FBXL5: variants seen among roughly 807,000 people sequenced by gnomAD.
FBXL5 encodes the protein F-box/LRR-repeat protein 5.
A neutral mutation model predicts 78.3 loss-of-function variants in FBXL5; 26 were observed. That is an observed-to-expected ratio of 0.33 (90% CI 0.24 to 0.46). The LOEUF (loss-of-function observed/expected upper bound fraction) is 0.46. Ranked by LOEUF, FBXL5 falls within the 20% of genes least tolerant of loss-of-function variation. The probability of loss-of-function intolerance (pLI) is 1.00; values close to 1 mark genes in which losing one functional copy is unlikely to be tolerated. For missense variants in FBXL5, 710 were observed against 829.2 expected, an observed-to-expected ratio of 0.86 and a Z score of 1.77; for synonymous variants, 295 against 282.5, an observed-to-expected ratio of 1.04 and a Z score of -0.45.
intron 2 of FBXL5, among the ~76,000 whole-genome samples, chr4:15,644,177 G>A (rs1715154971): frequency 6.6e-6 from 1 of 152,172 alleles, no homozygotes; most frequent in Admixed American, 6.5e-5. Flanking sequence ...GAATTTTATA[G>A]TTAGTCTAGC....
At chr4:15,629,608 T>C (rs957024687) in intron 6 of FBXL5, among the ~76,000 whole-genome samples, 1 of 152,138 alleles carries the variant, frequency 6.6e-6, no homozygotes, top group Non-Finnish European at 1.5e-5. Flanking sequence ...TTCCATTTTG[T>C]TCACCATTAG....
intron 1 of FBXL5, 100 bp downstream of exon 1, chr4:15,655,104 G>C (rs1716706444): frequency 5.2e-6 from 5 of 953,614 alleles, no homozygotes; most frequent in African/African-American, 1.8e-5. Context: ...GCGACGGCAC[G>C]GGGCTGCGGG....
chr4:15,648,456 T>C (rs549610386), intron 1 of FBXL5, among the ~76,000 whole-genome samples: 3 of 152,306 alleles, frequency 2.0e-5, no homozygotes, highest in Non-Finnish European at 2.9e-5. Context: ...GCATTATTCA[T>C]AATAGCCAAG....
intron 1 of FBXL5, among the ~76,000 whole-genome samples, chr4:15,654,963 G>A (rs1716674989): frequency 6.6e-6 from 1 of 151,712 alleles, no homozygotes; most frequent in African/African-American, 2.4e-5. Flanking sequence ...CAGGCCCTCG[G>A]CAGGGGACGC....
At chr4:15,618,249 G>T (rs1166048954) in intron 9 of FBXL5, among the ~76,000 whole-genome samples, 1 of 152,154 alleles carries the variant, frequency 6.6e-6, no homozygotes, top group Non-Finnish European at 1.5e-5. Context: ...ATCATAAGAA[G>T]CCAGCATGGT....
intron 4 of FBXL5, 76 bp from the exon 5 acceptor site, chr4:15,636,752 T>C (rs1486802847): frequency 1.9e-5 from 21 of 1,130,000 alleles, no homozygotes; most frequent in Non-Finnish European, 2.4e-5. Context: ...TACATTTCTA[T>C]AAACAAAATC....
Position 15,616,225 on chromosome 4 carries a change from G to A in FBXL5, c.1851-3811C>T, listed in dbSNP as rs539038130. On this transcript the variant is annotated intron_variant, in intron 9 of 10. Coordinates refer to ENST00000341285, the MANE Select transcript of FBXL5 (RefSeq NM_012161.4). The stretch of plus-strand genomic sequence containing the variant: ...AAGAGCTGTAACACTCACCGCGAGG[G>A]TCCGCGGCTTCATTCTTGAAGTCAG... Among the ~76,000 whole-genome samples, 8 of 152,348 alleles carry A rather than the reference G, an allele frequency of 5.3e-5. No homozygotes were observed. The South Asian group carries it at 1.7e-3, about 32-fold the overall frequency.
At chr4:15,624,003 T>G (rs183201803) in intron 9 of FBXL5, among the ~76,000 whole-genome samples, 1,689 of 152,042 alleles carry the variant, frequency 0.011, 13 homozygotes, top group Non-Finnish European at 0.018. Context: ...TTTTTTTATT[T>G]TTAGTAGAGA....
At chr4:15,649,483 G>A (rs1715695050) in intron 1 of FBXL5, among the ~76,000 whole-genome samples, 1 of 151,042 alleles carries the variant, frequency 6.6e-6, no homozygotes, top group Admixed American at 6.6e-5. Flanking sequence ...AGGAGGCTGA[G>A]GCAGAAGAAT....
intron 1 of FBXL5, among the ~76,000 whole-genome samples, chr4:15,674,724 A>T (rs987654764): frequency 2.0e-5 from 3 of 150,126 alleles, no homozygotes; most frequent in African/African-American, 7.4e-5. Flanking sequence ...ATCTTGGCTC[A>T]CTGCAAGCTC....
intron 1 of FBXL5, among the ~76,000 whole-genome samples, chr4:15,665,660 A>C (rs749498459): frequency 6.6e-6 from 1 of 152,190 alleles, no homozygotes; most frequent in Non-Finnish European, 1.5e-5. Flanking sequence ...ATGTTTTTAA[A>C]TATGTAATAA....
chr4:15,679,779 G>C (rs1577526481), intron 1 of FBXL5, among the ~76,000 whole-genome samples: 1 of 147,192 alleles, frequency 6.8e-6, no homozygotes, highest in Admixed American at 6.8e-5. Context: ...AAAAAAAAAA[G>C]CAGTATGTCT....
chr4:15,625,364 T>G lies in FBXL5; in HGVS notation c.1738A>C (p.Arg580=). Residue 580 remains arginine, a synonymous_variant, in exon 9 of 11, where the codon AGG becomes CGG. Coordinates refer to ENST00000341285, the MANE Select transcript of FBXL5 (RefSeq NM_012161.4). ...CCAAAGTAAATTAAGTCTTTTCCCCTAGGCAATCTAGTCCTTGCTGCTTTT... is the reference window on the plus strand; with the variant it reads ...CCAAAGTAAATTAAGTCTTTTCCCCGAGGCAATCTAGTCCTTGCTGCTTTT... ...CRKAARTRLP[R]GKDLIYFGSE... is the part of the protein sequence containing the mutation. The G allele has an allele frequency of 6.2e-7, 1 of 1,614,216 alleles. No homozygotes were observed. The highest frequency in any genetic ancestry group is 2.2e-5 in the East Asian group (1 of 44,888).
At chr4:15,614,642 G>A (rs941239725) in intron 9 of FBXL5, among the ~76,000 whole-genome samples, 5 of 152,214 alleles carry the variant, frequency 3.3e-5, no homozygotes, top group South Asian at 2.1e-4. Context: ...GGCTTGCTGC[G>A]GCTGCTGTGG....
intron 1 of FBXL5, chr4:15,681,192 A>AC (rs1210940911): frequency 6.6e-6 from 1 of 152,244 alleles, no homozygotes; most frequent in Non-Finnish European, 1.5e-5. Context: ...ATTATTAAAC[A>AC]CAATGCGATT....
intron 1 of FBXL5, among the ~76,000 whole-genome samples, chr4:15,679,930 G>C (rs967966322): frequency 6.6e-6 from 1 of 152,166 alleles, no homozygotes; most frequent in African/African-American, 2.4e-5. Flanking sequence ...TGCAAATGTA[G>C]AAATGACATG....
intron 1 of FBXL5, among the ~76,000 whole-genome samples, chr4:15,677,644 T>C (rs1577524115): frequency 1.3e-5 from 2 of 152,086 alleles, no homozygotes; most frequent in South Asian, 4.1e-4. Flanking sequence ...GCTGGGAGGG[T>C]GGCACAGAGA....
intron 9 of FBXL5, among the ~76,000 whole-genome samples, chr4:15,614,344 G>C (rs867838153): frequency 6.6e-6 from 1 of 152,192 alleles, no homozygotes; most frequent in East Asian, 1.9e-4. Context: ...AGATAGGAGG[G>C]GAGTGAAGTG....
chr4:15,661,550 A>C (rs1205170206), upstream of FBXL5, among the ~76,000 whole-genome samples: 1 of 152,350 alleles, frequency 6.6e-6, no homozygotes, highest in East Asian at 1.9e-4. Context: ...TAATTCTACA[A>C]ATTAACTGGA....
Sources: gnomAD v4.1 joint callset for allele counts (sites outside exome capture counted in the v4.1 genomes callset) on GRCh38, gnomAD v4.1.1 for gene constraint, MANE v1.5 for transcripts, NCBI Gene and HGNC (gene_info 2026-07-23, HGNC 2026-07-21) for gene names.